Variants in CAMK1D observed in about 807,000 individuals in gnomAD.
The protein encoded by CAMK1D is calcium/calmodulin dependent protein kinase ID.
In CAMK1D, 9 loss-of-function variants were observed where a neutral mutation model predicts 47.7. That is an observed-to-expected ratio of 0.19 (90% CI 0.11 to 0.33). CAMK1D has a LOEUF of 0.33. Ranked by LOEUF, CAMK1D falls within the 10% of genes least tolerant of loss-of-function variation. The pLI, the probability that CAMK1D is intolerant of heterozygous loss-of-function variation, is 1.00. For missense variants in CAMK1D, 291 were observed against 488.7 expected (o/e 0.60, Z 3.81); for synonymous variants, 184 against 184.9 (o/e 0.99, Z 0.04).
At chr10:12,478,550 C>T (rs1274214393) in intron 1 of CAMK1D, among the ~76,000 whole-genome samples, 1 of 152,052 alleles carries the variant, frequency 6.6e-6, no homozygotes, top group Non-Finnish European at 1.5e-5. Flanking sequence ...CAACGAGTCC[C>T]AGCATTTATA....
chr10:12,764,252 G>A (rs911498413), intron 4 of CAMK1D, among the ~76,000 whole-genome samples: 6 of 152,068 alleles, frequency 3.9e-5, no homozygotes, highest in Admixed American at 1.3e-4. Flanking sequence ...GTGGTGGCAG[G>A]TGCCTGTAAT....
intron 1 of CAMK1D, among the ~76,000 whole-genome samples, chr10:12,399,111 G>A (rs1839077896): frequency 6.6e-6 from 1 of 152,216 alleles, no homozygotes; most frequent in African/African-American, 2.4e-5. Context: ...ATGCATAGAG[G>A]TGGGTGAAGG....
At chr10:12,416,258 C>T (rs565004835) in intron 1 of CAMK1D, among the ~76,000 whole-genome samples, 1 of 152,122 alleles carries the variant, frequency 6.6e-6, no homozygotes, top group South Asian at 2.1e-4. Flanking sequence ...AATGTCACTT[C>T]AGGTGGAAAC....
At chr10:12,783,642 C>G (rs1176812053) in intron 5 of CAMK1D, among the ~76,000 whole-genome samples, 1 of 152,208 alleles carries the variant, frequency 6.6e-6, no homozygotes, top group Admixed American at 6.5e-5. Flanking sequence ...TTTCAGTCCC[C>G]TTGGTTACGC....
chr10:12,638,501 ACT>A (rs140218416), intron 2 of CAMK1D, among the ~76,000 whole-genome samples: 7,562 of 150,916 alleles, frequency 0.05, 272 homozygotes, highest in Non-Finnish European at 0.072. Context: ...GTCACCCCTC[ACT>A]CTCTTTCCTT....
intron 1 of CAMK1D, among the ~76,000 whole-genome samples, chr10:12,540,604 T>G (rs1478938476): frequency 2.6e-5 from 4 of 152,236 alleles, no homozygotes; most frequent in Non-Finnish European, 5.9e-5. Flanking sequence ...ACAAGTATTG[T>G]CATAACCTAG....
intron 2 of CAMK1D, among the ~76,000 whole-genome samples, chr10:12,637,160 C>T (rs1057253674): frequency 6.6e-6 from 1 of 151,952 alleles, no homozygotes; most frequent in Non-Finnish European, 1.5e-5. Context: ...TTAGTAGAGA[C>T]GGGGTTTCAC....
intron 2 of CAMK1D, among the ~76,000 whole-genome samples, chr10:12,560,823 A>T (rs1255687999): frequency 6.6e-6 from 1 of 152,150 alleles, no homozygotes; most frequent in Non-Finnish European, 1.5e-5. Flanking sequence ...CTTACTTATG[A>T]TGACACATAG....
intron 2 of CAMK1D, among the ~76,000 whole-genome samples, chr10:12,612,658 G>A (rs747125407): frequency 3.6e-4 from 55 of 152,088 alleles, no homozygotes; most frequent in Non-Finnish European, 7.1e-4. Flanking sequence ...GTCCTGGATG[G>A]GCGTGGAGGT....
chr10:12,430,703 G>A (rs531651656), intron 1 of CAMK1D, among the ~76,000 whole-genome samples: 57 of 152,128 alleles, frequency 3.7e-4, no homozygotes, highest in Non-Finnish European at 6.9e-4. Context: ...GCTCTCTGGG[G>A]CTTTTCAGGC....
chr10:12,683,466 C>T (rs756651215), intron 3 of CAMK1D, among the ~76,000 whole-genome samples: 12 of 152,112 alleles, frequency 7.9e-5, no homozygotes, highest in Admixed American at 1.3e-4. Flanking sequence ...ATATATGGTG[C>T]TAACTTCAGT....
chr10:12,506,943 A>G (rs1340556639), intron 1 of CAMK1D, among the ~76,000 whole-genome samples: 4 of 152,240 alleles, frequency 2.6e-5, no homozygotes, highest in African/African-American at 9.6e-5. Context: ...GGAATTAATG[A>G]AAAAGGAGCA....
chr10:12,583,468 T>C (rs1314944821), intron 2 of CAMK1D, among the ~76,000 whole-genome samples: 1 of 152,210 alleles, frequency 6.6e-6, no homozygotes, highest in African/African-American at 2.4e-5. Context: ...GATCAGACGT[T>C]GTCTGTCAAA....
chr10:12,609,922 A>T (rs891856057), intron 2 of CAMK1D, among the ~76,000 whole-genome samples: 4 of 152,188 alleles, frequency 2.6e-5, no homozygotes, highest in Admixed American at 2.6e-4. Context: ...AGAAAAATAG[A>T]GACTAAAAAT....
At chr10:12,622,341 G>A (rs879936620) in intron 2 of CAMK1D, among the ~76,000 whole-genome samples, 10 of 152,144 alleles carry the variant, frequency 6.6e-5, no homozygotes, top group Non-Finnish European at 1.5e-4. Flanking sequence ...GTAGGCTTTT[G>A]TGGGGGGCTG....
intron 3 of CAMK1D, among the ~76,000 whole-genome samples, chr10:12,755,467 T>G (rs934935660): frequency 6.6e-6 from 1 of 152,230 alleles, no homozygotes; most frequent in African/African-American, 2.4e-5. Flanking sequence ...AACATACGTG[T>G]GCATGTGTCT....
chr10:12,370,908 T>G (rs1013961036), intron 1 of CAMK1D, among the ~76,000 whole-genome samples: 1 of 152,040 alleles, frequency 6.6e-6, no homozygotes, highest in Non-Finnish European at 1.5e-5. Flanking sequence ...GCACCCGGCC[T>G]TGTGTTTTAA....
intron 2 of CAMK1D, among the ~76,000 whole-genome samples, chr10:12,621,786 AC>A (rs35482879): frequency 0.23 from 33,171 of 147,150 alleles, 3,973 homozygotes; most frequent in South Asian, 0.39. Flanking sequence ...TGCTGAACTT[AC>A]TTTTTAGTTC....
chr10:12,558,770 G>T (rs1182790404), intron 2 of CAMK1D, among the ~76,000 whole-genome samples: 3 of 152,118 alleles, frequency 2.0e-5, no homozygotes, highest in Non-Finnish European at 4.4e-5. Context: ...GGTGGAAGGG[G>T]TACTGTCTGA....
Sources: allele counts gnomAD v4.1 joint callset (sites outside exome capture counted in the v4.1 genomes callset), GRCh38; gene constraint gnomAD v4.1.1; transcripts MANE v1.5; gene names NCBI Gene and HGNC (gene_info 2026-07-23, HGNC 2026-07-21).